FAM168B: variants seen among roughly 807,000 people sequenced by gnomAD.
FAM168B encodes the protein myelin-associated neurite-outgrowth inhibitor.
FAM168B carries 19 observed loss-of-function variants against 21.8 expected under a neutral mutation model. The observed-to-expected ratio is 0.87, with a 90% CI of 0.61 to 1.28. FAM168B has a LOEUF of 1.28. Among genes scored for constraint, FAM168B ranks in the 50% most tolerant of loss-of-function variants. The pLI is 0.00. For synonymous variants in FAM168B, 126 were observed against 104.8 expected, an observed-to-expected ratio of 1.20 and a Z score of -1.24; for missense variants, 233 against 263.1, an observed-to-expected ratio of 0.89 and a Z score of 0.79.
At chr2:131,077,259 T>C (rs962561181) in intron 2 of FAM168B, among the ~76,000 whole-genome samples, 1 of 150,536 alleles carries the variant, frequency 6.6e-6, no homozygotes, top group Non-Finnish European at 1.5e-5. Flanking sequence ...TGTGAACTGT[T>C]ATGGAGTGAT....
Position 131,049,889 on chromosome 2 carries a change from A to T in FAM168B, c.*2576T>A. 1.0e-6 allele frequency: 1 copy of T among 985,720 alleles called. No individual in the cohort carries two copies. Among genetic ancestry groups the T allele is most frequent in the African/African-American group, 1.7e-5 (1 of 57,372 alleles). 61.1% of individuals were successfully genotyped at this position (985,720 alleles called of 1,614,324 possible). A position where few individuals can be genotyped will look rare whatever the true frequency, so the allele number is the denominator to read the frequency against. On this transcript the variant is annotated 3_prime_UTR_variant, in exon 7 of 7. Coordinates refer to ENST00000389915, the MANE Select transcript of FAM168B (RefSeq NM_001009993.4). ...ATTGACTTTAATTTTACTAGAAGCG[A>T]ATGTTGATAAAATTACAACCTATGA...
chr2:131,052,545 A>G (rs1237749670), intron 6 of FAM168B, 93 bp from the exon 7 acceptor site: 1 of 993,044 alleles, frequency 1.0e-6, no homozygotes, highest in Non-Finnish European at 1.2e-6. Flanking sequence ...GCAGGGTCGG[A>G]AAGGGCAGCA....
intron 2 of FAM168B, among the ~76,000 whole-genome samples, chr2:131,075,499 C>CT (rs201403777): frequency 0.03 from 4,290 of 144,374 alleles, 184 homozygotes; most frequent in African/African-American, 0.097. Flanking sequence ...CACTTTCTTT[C>CT]TTTTTTTTTT....
rs1692875286 is a variant in FAM168B, at chr2:131,071,625, C to A, written c.154+230G>T. 2.6e-5 allele frequency among the ~76,000 whole-genome samples: 4 copies of A among 152,190 alleles called. No homozygotes were observed. The South Asian group carries it at 8.3e-4, about 32-fold the overall frequency. On this transcript the variant is annotated intron_variant, in intron 3 of 6. Coordinates refer to ENST00000389915, the MANE Select transcript of FAM168B (RefSeq NM_001009993.4). ...TGAACAGATGCTCTGGCAGAGTTAA[C>A]AACCTAGTGATTACAGATTTGCCTT...
chr2:131,084,576 T>C (rs1693588828), intron 1 of FAM168B, among the ~76,000 whole-genome samples: 1 of 152,086 alleles, frequency 6.6e-6, no homozygotes, highest in South Asian at 2.1e-4. Flanking sequence ...CCAGCACCTC[T>C]ATGAATCCAT....
At chr2:131,078,640 G>A (rs1364655) in intron 2 of FAM168B, among the ~76,000 whole-genome samples, 1 of 152,144 alleles carries the variant, frequency 6.6e-6, no homozygotes, top group Non-Finnish European at 1.5e-5. Context: ...TTTCAAAGTA[G>A]CAAGGTACAC....
rs1691514412 is a variant in FAM168B, at chr2:131,049,446, A to T, written c.*3019T>A. ...TAACAGATGGCTCACGAGAGACATA[A>T]AAGGTTCTGGAAGTGCCTTCAGGCC... On this transcript the variant is annotated 3_prime_UTR_variant, in exon 7 of 7. Transcript: ENST00000389915. The T allele has an allele frequency of 5.1e-6, 5 of 985,450 alleles. No individual in the cohort carries two copies. In the African/African-American group the frequency reaches 5.2e-5, roughly 10 times the overall value. 61.0% of individuals were successfully genotyped at this position (985,450 alleles called of 1,614,324 possible).
chr2:131,081,490 C>CA (rs1313531159), intron 2 of FAM168B, among the ~76,000 whole-genome samples: 1 of 152,208 alleles, frequency 6.6e-6, no homozygotes, highest in Non-Finnish European at 1.5e-5. Context: ...GAGTATAATA[C>CA]AAGCTAGAGC....
chr2:131,056,139 T>A lies in FAM168B; in HGVS notation c.155-444A>T, dbSNP rs189818708. Among the ~76,000 whole-genome samples, 5 of 152,254 alleles carry A rather than the reference T, an allele frequency of 3.3e-5. 1 individual carries two copies. Among genetic ancestry groups the A allele is most frequent in the Admixed American group, 1.3e-4 (2 of 15,296 alleles). On this transcript the variant is annotated intron_variant, in intron 3 of 6. Transcript: ENST00000389915. ...ACACACAGAGACTTAACTGTAAGCA[T>A]GCTCATCATAGTGTTGTTTGTTACA...
At chr2:131,076,791 CGTAA>C (rs1428900157) in intron 2 of FAM168B, among the ~76,000 whole-genome samples, 1 of 151,952 alleles carries the variant, frequency 6.6e-6, no homozygotes, top group Non-Finnish European at 1.5e-5. Context: ...ACACTTAATA[CGTAA>C]GTAACTTTTA....
chr2:131,071,892 A>T lies in FAM168B; in HGVS notation c.117T>A (p.Pro39=). Residue 39 remains proline, a synonymous_variant, in exon 3 of 7, where the codon CCT becomes CCA. Transcript: ENST00000389915. The part of the protein sequence containing the change: ...GYAAAAPAYS[P]NMYPGANPTF... ...TAGGATTCGCTCCAGGATACATGTT[A>T]GGAGAATAGGCAGGAGCTGCTGCTG... The T allele has an allele frequency of 6.2e-7, 1 of 1,614,130 alleles. No homozygotes were observed. The highest frequency in any genetic ancestry group is 8.5e-7 in the Non-Finnish European group (1 of 1,179,988).
At chr2:131,079,521 G>C (rs982846294) in intron 2 of FAM168B, among the ~76,000 whole-genome samples, 12 of 152,166 alleles carry the variant, frequency 7.9e-5, no homozygotes, top group African/African-American at 2.7e-4. Context: ...TGACCATGGA[G>C]GCAGAAATGG....
intron 3 of FAM168B, among the ~76,000 whole-genome samples, chr2:131,064,931 C>G (rs1488695174): frequency 6.6e-6 from 1 of 152,196 alleles, no homozygotes; most frequent in East Asian, 1.9e-4. Context: ...TCACAGAAAC[C>G]TAATCAAAGA....
Position 131,071,929 on chromosome 2 carries a change from G to T in FAM168B, c.80C>A (p.Pro27His), listed in dbSNP as rs764942566. The T allele has an allele frequency of 1.2e-6, 2 of 1,613,940 alleles. No individual in the cohort carries two copies. Among genetic ancestry groups the T allele is most frequent in the Non-Finnish European group, 8.5e-7 (1 of 1,179,918 alleles). ...AKGIGYPAGF[P>H]MGYAAAAPAY... The stretch of plus-strand genomic sequence containing the variant: ...AGGAGCTGCTGCTGCATAGCCCATG[G>T]GAAAACCAGCTGAAGAAAAATAAAG... Residue 27 changes from proline (P) to histidine (H), a missense_variant, in exon 3 of 7, where the codon CCC (proline) becomes CAC (histidine). By Grantham distance (77) the Pro-to-His change is moderately conservative (BLOSUM62 -2). Transcript: ENST00000389915.
intron 1 of FAM168B, 33 bp from the exon 2 acceptor site, chr2:131,082,690 C>CT (rs1558992149): frequency 6.8e-7 from 1 of 1,468,828 alleles, no homozygotes; most frequent in Non-Finnish European, 9.3e-7. Context: ...TAGCCAAGCA[C>CT]TTTTGCTCTC....
chr2:131,052,539 G>T, intron 6 of FAM168B, 87 bp from the exon 7 acceptor site: 1 of 1,005,230 alleles, frequency 9.9e-7, no homozygotes, highest in Non-Finnish European at 1.2e-6. Context: ...GGCCCAGCAG[G>T]GTCGGAAAGG....
chr2:131,076,491 TAC>T (rs1396264088), intron 2 of FAM168B, among the ~76,000 whole-genome samples: 1 of 150,156 alleles, frequency 6.7e-6, no homozygotes, highest in African/African-American at 2.5e-5. Context: ...CTAATAAAAG[TAC>T]AAAAAAAAAA....
intron 1 of FAM168B, among the ~76,000 whole-genome samples, chr2:131,089,193 C>T (rs892605095): frequency 1.3e-5 from 2 of 151,748 alleles, no homozygotes; most frequent in Non-Finnish European, 2.9e-5. Context: ...CTCGAACTTC[C>T]GACCTCAGGT....
intron 2 of FAM168B, among the ~76,000 whole-genome samples, chr2:131,080,056 G>A (rs1335549397): frequency 1.3e-5 from 2 of 151,884 alleles, no homozygotes. Context: ...GGCAGAGGTT[G>A]CAGTGAGCCA....
Sources: gnomAD v4.1 joint callset for allele counts (sites outside exome capture counted in the v4.1 genomes callset) on GRCh38, gnomAD v4.1.1 for gene constraint, MANE v1.5 for transcripts, NCBI Gene and HGNC (gene_info 2026-07-23, HGNC 2026-07-21) for gene names.